The following RYR3 variants were observed in gnomAD, a reference collection of about 807,000 sequenced individuals.
RYR3 encodes brain ryanodine receptor-calcium release channel.
RYR3 carries 207 observed loss-of-function variants against 584.3 expected under a neutral mutation model. That is an observed-to-expected ratio of 0.35 (90% CI 0.32 to 0.40). RYR3 has a LOEUF of 0.40. Among genes scored for constraint, RYR3 ranks in the 10% least tolerant of loss-of-function variants. The probability of loss-of-function intolerance (pLI) is 1.00; values close to 1 mark genes in which losing one functional copy is unlikely to be tolerated. For missense variants in RYR3, 5,616 were observed against 6,089.2 expected (o/e 0.92, Z 2.59); for synonymous variants, 2,416 against 2,248.5 (o/e 1.07, Z -2.11).
At chr15:33,648,166 T>C (rs779484176) in intron 30 of RYR3, among the ~76,000 whole-genome samples, 8 of 152,190 alleles carry the variant, frequency 5.3e-5, no homozygotes, top group Non-Finnish European at 1.0e-4. Flanking sequence ...CCTTCCCATT[T>C]AATCTCCATT....
intron 12 of RYR3, among the ~76,000 whole-genome samples, chr15:33,575,829 G>GAT (rs2058270370): frequency 6.8e-5 from 3 of 44,332 alleles, no homozygotes; most frequent in Admixed American, 5.6e-4. Context: ...TACAGGAGCT[G>GAT]GTTTTAAAAA....
At chr15:33,783,382 T>G (rs1596564199) in intron 65 of RYR3, among the ~76,000 whole-genome samples, 1 of 152,182 alleles carries the variant, frequency 6.6e-6, no homozygotes, top group Non-Finnish European at 1.5e-5. Flanking sequence ...GCTGAGGCTG[T>G]TTTTCTAGCA....
intron 1 of RYR3, among the ~76,000 whole-genome samples, chr15:33,407,397 G>C (rs1477348997): frequency 6.6e-6 from 1 of 152,234 alleles, no homozygotes; most frequent in African/African-American, 2.4e-5. Flanking sequence ...ACCTGATGGA[G>C]ACGAGAGTGA....
intron 21 of RYR3, among the ~76,000 whole-genome samples, chr15:33,629,556 G>T (rs1349513230): frequency 6.6e-6 from 1 of 152,108 alleles, no homozygotes; most frequent in African/African-American, 2.4e-5. Flanking sequence ...GCTGACTTTT[G>T]GTTCTACTGC....
At chr15:33,731,384 C>T in intron 47 of RYR3, 90 bp from the exon 48 acceptor site, 1 of 878,436 alleles carries the variant, frequency 1.1e-6, no homozygotes, top group Non-Finnish European at 1.8e-6. Context: ...ATATAAGCTC[C>T]CACAGCTTGC....
At chr15:33,399,601 G>T (rs1327350502) in intron 1 of RYR3, among the ~76,000 whole-genome samples, 3 of 152,132 alleles carry the variant, frequency 2.0e-5, no homozygotes, top group Non-Finnish European at 2.9e-5. Flanking sequence ...TAGCGCCACT[G>T]CACTCCAGCC....
rs2058512568 is a variant in RYR3, at chr15:33,580,034, C to G, written c.1327C>G (p.Leu443Val). 6 of 1,613,670 alleles carry G rather than the reference C, an allele frequency of 3.7e-6. No individual in the cohort carries two copies. The highest frequency in any genetic ancestry group is 1.6e-4 in the Middle Eastern group (1 of 6,062). ...GCCTATAGAAGAAGTCCTGCAGACC[C>G]TACAGGACTTGATCGCCTACTTCCA... ...TLPIEEVLQT[L>V]QDLIAYFQPP... The change falls in exon 13 of 104, where the codon CTA (leucine) becomes GTA (valine). Residue 443 changes from leucine (L) to valine (V), a missense_variant. This residue lies in a region of RYR3 where 1,284 missense variants were observed against 1,344.6 expected (regional missense o/e 0.95). Coordinates refer to ENST00000634891, the MANE Select transcript of RYR3 (RefSeq NM_001036.6).
intron 90 of RYR3, 60 bp downstream of exon 90, chr15:33,840,943 C>G: frequency 6.7e-7 from 1 of 1,493,646 alleles, no homozygotes; most frequent in Non-Finnish European, 9.3e-7. Flanking sequence ...TTAGGCCAGG[C>G]AGAGTGGCTC....
chr15:33,319,959 A>G (rs1968727927), intron 1 of RYR3, among the ~76,000 whole-genome samples: 1 of 152,172 alleles, frequency 6.6e-6, no homozygotes, highest in Non-Finnish European at 1.5e-5. Context: ...TTTGGGGTCA[A>G]GCAGGTAGCT....
chr15:33,754,296 A>AT (rs2071601169), intron 57 of RYR3, among the ~76,000 whole-genome samples: 1 of 152,192 alleles, frequency 6.6e-6, no homozygotes, highest in African/African-American at 2.4e-5. Flanking sequence ...AAGTCATGTC[A>AT]TGTCACTTCT....
At chr15:33,527,603 G>A (rs562441886) in intron 3 of RYR3, among the ~76,000 whole-genome samples, 41 of 148,788 alleles carry the variant, frequency 2.8e-4, no homozygotes, top group Admixed American at 2.7e-3. Context: ...AAAAAAAAAG[G>A]CGTATCATAT....
At chr15:33,775,265 A>C (rs2152893535) in intron 64 of RYR3, among the ~76,000 whole-genome samples, 1 of 151,228 alleles carries the variant, frequency 6.6e-6, no homozygotes, top group Non-Finnish European at 1.5e-5. Context: ...TTTCCTAAAT[A>C]TTTTTTCCCC....
At chr15:33,470,136 G>A (rs62015588) in intron 1 of RYR3, among the ~76,000 whole-genome samples, 31,281 of 152,054 alleles carry the variant, frequency 0.21, 3,797 homozygotes, top group Admixed American at 0.29. Flanking sequence ...AGTATTTCCC[G>A]ATGACTAAAG....
At chr15:33,822,282 A>G (rs1390510193) in intron 80 of RYR3, among the ~76,000 whole-genome samples, 1 of 152,228 alleles carries the variant, frequency 6.6e-6, no homozygotes, top group Admixed American at 6.5e-5. Context: ...GGTTCTGGTT[A>G]AAAGCATCTG....
intron 5 of RYR3, 54 bp from the exon 6 acceptor site, chr15:33,539,295 AT>A (rs1376209230): frequency 1.7e-6 from 2 of 1,193,540 alleles, no homozygotes; most frequent in Non-Finnish European, 2.4e-6. Context: ...AAGGAGCAAA[AT>A]TAGGGACACT....
At chr15:33,759,263 C>A (rs998277706) in intron 60 of RYR3, among the ~76,000 whole-genome samples, 3 of 152,184 alleles carry the variant, frequency 2.0e-5, no homozygotes, top group Admixed American at 2.0e-4. Flanking sequence ...AACCCCTCAC[C>A]AGCAAGGGAA....
At position 33,662,944 on chromosome 15, in the gene RYR3, T is replaced by G; in HGVS notation, c.5414T>G (p.Leu1805Arg). Reference sequence around the variant, plus strand: ...ACTCGATTACCCGAATCCGTCAAGCTGCAGGTAAGCTGCAGGTGGTTAAGT... The same window carrying G: ...ACTCGATTACCCGAATCCGTCAAGCGGCAGGTAAGCTGCAGGTGGTTAAGT... ...LQTRLPESVKLQMCELLSYLC... is the reference protein window; with the variant it reads ...LQTRLPESVKRQMCELLSYLC... The change falls in exon 35 of 104, where the codon CTG becomes CGG. Residue 1805 changes from leucine to arginine, a missense_variant. Physicochemically the swap from Leu to Arg is moderately radical, Grantham distance 102. This residue lies in a region of RYR3 where 753 missense variants were observed against 741.0 expected (regional missense o/e 1.02). Coordinates refer to ENST00000634891, the MANE Select transcript of RYR3 (RefSeq NM_001036.6). The G allele has an allele frequency of 6.2e-7, 1 of 1,611,306 alleles. No individual in the cohort carries two copies. The highest frequency in any genetic ancestry group is 2.2e-5 in the East Asian group (1 of 44,860).
intron 31 of RYR3, among the ~76,000 whole-genome samples, chr15:33,651,146 T>C (rs1438857963): frequency 6.6e-6 from 1 of 152,240 alleles, no homozygotes; most frequent in Non-Finnish European, 1.5e-5. Flanking sequence ...ACATACTATA[T>C]GGTACACATT....
At position 33,347,470 on chromosome 15, in the gene RYR3, G is replaced by A. The variant is rs146136999; in HGVS notation, c.51+36374G>A. The stretch of plus-strand genomic sequence containing the variant: ...GGGAGCTTTTTTTTTTTTTTGAGAC[G>A]GAGTCTTGCTCTGTCGCCCAGGCTG... On this transcript the variant is annotated intron_variant, in intron 1 of 103. Coordinates refer to ENST00000634891, the MANE Select transcript of RYR3 (RefSeq NM_001036.6). Among the ~76,000 whole-genome samples, 19 of 148,408 alleles carry A rather than the reference G, an allele frequency of 1.3e-4. No individual in the cohort carries two copies. In the East Asian group the frequency reaches 3.6e-3, roughly 28 times the overall value.
Sources: allele counts gnomAD v4.1 joint callset (sites outside exome capture counted in the v4.1 genomes callset), GRCh38; gene constraint gnomAD v4.1.1; regional missense constraint gnomAD v4.1.1; transcripts MANE v1.5; gene names NCBI Gene and HGNC (gene_info 2026-07-23, HGNC 2026-07-21).